ZNF600: variants seen among roughly 807,000 people sequenced by gnomAD.
ZNF600 encodes the protein zinc finger protein 600.
A neutral mutation model predicts 7.3 loss-of-function variants in ZNF600; 4 were observed. That is an observed-to-expected ratio of 0.55 (90% confidence interval 0.27 to 1.25). The LOEUF (loss-of-function observed/expected upper bound fraction) is 1.25. Among genes scored for constraint, ZNF600 ranks in the 50% most tolerant of loss-of-function variants. ZNF600 has a pLI of 0.12. For missense variants in ZNF600, 911 were observed against 922.1 expected, an observed-to-expected ratio of 0.99 and a Z score of 0.16; for synonymous variants, 290 against 308.9, an observed-to-expected ratio of 0.94 and a Z score of 0.64.
chr19:52,817,557 G>A, the ZNF600 span, among the ~76,000 whole-genome samples: 22 of 151,952 alleles, frequency 1.4e-4, no homozygotes, highest in Non-Finnish European at 2.4e-4. Flanking sequence ...AATTGACCAC[G>A]TACTTTGTGC....
the ZNF600 span, among the ~76,000 whole-genome samples, chr19:52,824,663 C>T: frequency 4.6e-5 from 7 of 151,974 alleles, no homozygotes; most frequent in East Asian, 5.8e-4. Context: ...ACTTTAAAGA[C>T]GAAAATAAAG....
chr19:52,782,415 C>T (rs1031893886), intron 1 of ZNF600, among the ~76,000 whole-genome samples: 3 of 151,564 alleles, frequency 2.0e-5, no homozygotes, highest in African/African-American at 4.8e-5. Flanking sequence ...CATAACTACT[C>T]AGGAGGCTGA....
chr19:52,800,459 A>C, the ZNF600 span: 1 of 1,613,678 alleles, frequency 6.2e-7, no homozygotes, highest in Non-Finnish European at 8.5e-7. Context: ...GTTTCTCTGC[A>C]GTATGAAGTC....
chr19:52,803,184 G>A, the ZNF600 span, among the ~76,000 whole-genome samples: 2 of 152,154 alleles, frequency 1.3e-5, no homozygotes, highest in African/African-American at 4.8e-5. Flanking sequence ...GTTCATGTGA[G>A]TCTCTTCCTT....
chr19:52,825,984 A>G, the ZNF600 span, among the ~76,000 whole-genome samples: 211 of 152,248 alleles, frequency 1.4e-3, 2 homozygotes, highest in South Asian at 0.011. Flanking sequence ...ACATTCATCA[A>G]ATAATTTTAT....
chr19:52,815,460 T>C, the ZNF600 span, among the ~76,000 whole-genome samples: 1 of 145,374 alleles, frequency 6.9e-6, no homozygotes, highest in Non-Finnish European at 1.5e-5. Flanking sequence ...GAGGTTGCAG[T>C]GAGCCGAGAT....
chr19:52,821,479 C>A, the ZNF600 span: 1 of 152,292 alleles, frequency 6.6e-6, no homozygotes, highest in East Asian at 1.9e-4. Flanking sequence ...TCTGAGTGAA[C>A]GAAGAAAGGG....
At chr19:52,811,862 C>T in the ZNF600 span, among the ~76,000 whole-genome samples, 1 of 142,068 alleles carries the variant, frequency 7.0e-6, no homozygotes, top group African/African-American at 2.7e-5. Flanking sequence ...CTCTGCCCGG[C>T]CAGCCGCCCC....
the ZNF600 span, among the ~76,000 whole-genome samples, chr19:52,808,802 G>T: frequency 1.3e-5 from 2 of 151,956 alleles, no homozygotes; most frequent in Admixed American, 6.6e-5. Flanking sequence ...AACAAACCGA[G>T]ACCCCATCTC....
chr19:52,832,324 G>C, the ZNF600 span, among the ~76,000 whole-genome samples: 9 of 152,208 alleles, frequency 5.9e-5, no homozygotes, highest in South Asian at 1.9e-3. Flanking sequence ...GGCCGGGCAC[G>C]GTGGCTCAGG....
At chr19:52,785,984 C>A (rs1201958968) in intron 1 of ZNF600, among the ~76,000 whole-genome samples, 1 of 152,026 alleles carries the variant, frequency 6.6e-6, no homozygotes, top group Non-Finnish European at 1.5e-5. Flanking sequence ...TCTACTTTGC[C>A]ATCTGTTATG....
the ZNF600 span, among the ~76,000 whole-genome samples, chr19:52,806,189 C>T: frequency 1.7e-5 from 1 of 58,906 alleles, no homozygotes; most frequent in African/African-American, 4.4e-5. Context: ...TTGCAGGTTA[C>T]AGAATTTTTT....
chr19:52,775,113 A>T (rs2062663504), intron 2 of ZNF600, among the ~76,000 whole-genome samples: 1 of 151,924 alleles, frequency 6.6e-6, no homozygotes, highest in Non-Finnish European at 1.5e-5. Context: ...GGTGGCAGGC[A>T]CCTGTAATCC....
the ZNF600 span, chr19:52,809,721 C>T: frequency 2.0e-5 from 8 of 402,942 alleles, no homozygotes; most frequent in Non-Finnish European, 3.5e-5. Flanking sequence ...CAGCAAAACG[C>T]TTTAACCCAG....
rs1178974183 is a variant in ZNF600 at position 52,766,985 on chromosome 19, T to C, written c.978A>G (p.Gln326=). 7 of 1,613,576 alleles carry C rather than the reference T, an allele frequency of 4.3e-6. No homozygotes were observed. In the Admixed American group the frequency reaches 1.0e-4, roughly 23 times the overall value. The change falls in exon 4 of 4, where the codon CAA becomes CAG. Residue 326 remains glutamine (Q), a synonymous_variant. Coordinates refer to ENST00000648973, the Ensembl canonical transcript of ZNF600. The stretch of plus-strand genomic sequence containing the variant: ...CCTTATGAATTACAAGGGCTGAATT[T>C]TGACCAAAGATCTTGCCACACTCAT...
At chr19:52,833,342 A>G in the ZNF600 span, among the ~76,000 whole-genome samples, 2 of 152,158 alleles carry the variant, frequency 1.3e-5, no homozygotes, top group African/African-American at 4.8e-5. Context: ...GACCATGCCC[A>G]GTGGAACCTC....
the ZNF600 span, among the ~76,000 whole-genome samples, chr19:52,829,995 T>C: frequency 4.2e-4 from 64 of 152,234 alleles, no homozygotes; most frequent in African/African-American, 1.4e-3. Context: ...TGGAGGCAGC[T>C]GGGAACGGTG....
At chr19:52,786,850 G>A (rs949707100), upstream of ZNF600, 3 of 262,846 alleles carry the variant, frequency 1.1e-5, no homozygotes, top group Non-Finnish European at 2.5e-5. Flanking sequence ...GGCCCCAGGC[G>A]GAGAGACCTT....
chr19:52,831,502 TG>T, the ZNF600 span, among the ~76,000 whole-genome samples: 1 of 151,412 alleles, frequency 6.6e-6, no homozygotes, highest in Admixed American at 6.6e-5. Context: ...TTTGTTTTTT[TG>T]TTTTTTTGTT....
Sources: gnomAD v4.1 joint callset for allele counts (sites outside exome capture counted in the v4.1 genomes callset) on GRCh38, gnomAD v4.1.1 for gene constraint, MANE v1.5 for transcripts, NCBI Gene and HGNC (gene_info 2026-07-23, HGNC 2026-07-21) for gene names.